The following ARHGEF3 variants were observed in gnomAD, a reference collection of about 807,000 sequenced individuals.
The protein encoded by ARHGEF3 is 59.8 kDA protein.
In ARHGEF3, 28 loss-of-function variants were observed where a neutral mutation model predicts 63.2. The observed-to-expected ratio is 0.44, with a 90% CI of 0.33 to 0.61. The LOEUF is 0.61. ARHGEF3 is among the 20% of genes least tolerant of loss of function. ARHGEF3 has a pLI of 0.03. For missense variants in ARHGEF3, 533 were observed against 659.3 expected (o/e 0.81, Z 2.10); for synonymous variants, 266 against 254.2 (o/e 1.05, Z -0.44).
At chr3:56,832,989 T>G (rs1479732698) in intron 4 of ARHGEF3, among the ~76,000 whole-genome samples, 1 of 152,248 alleles carries the variant, frequency 6.6e-6, no homozygotes, top group Non-Finnish European at 1.5e-5. Flanking sequence ...GAATATTCCC[T>G]TGTTTGGATA....
At chr3:56,824,862 C>G (rs13062635) in intron 4 of ARHGEF3, among the ~76,000 whole-genome samples, 77,010 of 151,952 alleles carry the variant, frequency 0.51, 19,931 homozygotes, top group Non-Finnish European at 0.55. Flanking sequence ...AATGATATAA[C>G]AGGATTCTCA....
At chr3:56,973,485 C>T (rs1701006925) in intron 2 of ARHGEF3, among the ~76,000 whole-genome samples, 1 of 152,068 alleles carries the variant, frequency 6.6e-6, no homozygotes, top group South Asian at 2.1e-4. Context: ...CAAGAGCAGA[C>T]ATATAACATT....
At chr3:56,942,790 A>G (rs1045066732) in intron 3 of ARHGEF3, among the ~76,000 whole-genome samples, 4 of 152,246 alleles carry the variant, frequency 2.6e-5, no homozygotes, top group Admixed American at 2.6e-4. Flanking sequence ...GTGAACACAT[A>G]AAAAGATAAG....
At chr3:56,933,362 A>ATCACT (rs2042461984) in intron 3 of ARHGEF3, among the ~76,000 whole-genome samples, 2 of 150,710 alleles carry the variant, frequency 1.3e-5, no homozygotes, top group Admixed American at 6.6e-5. Flanking sequence ...GTCTGAATTG[A>ATCACT]TCACTCTATA....
chr3:56,856,335 T>C (rs1357507176), intron 4 of ARHGEF3, among the ~76,000 whole-genome samples: 1 of 152,204 alleles, frequency 6.6e-6, no homozygotes, highest in East Asian at 1.9e-4. Context: ...AAATCCAGGC[T>C]CTTTCTCTAG....
intron 1 of ARHGEF3, among the ~76,000 whole-genome samples, chr3:57,054,643 A>ATTT (rs544195887): frequency 1.7e-5 from 2 of 121,104 alleles, no homozygotes; most frequent in East Asian, 2.4e-4. Flanking sequence ...CATCTCAAAA[A>ATTT]TTTTTTTTTT....
rs139427385 is a variant in ARHGEF3 at position 56,837,822 on chromosome 3, G to T, written c.192+44470C>A. On this transcript the variant is annotated intron_variant, in intron 4 of 12. Coordinates refer to the ARHGEF3 transcript ENST00000338458. ...TCTGGTCAGGTCAGGGCTGTTTCCT[G>T]TGCCATCATGTGCACACAGCCACCT... 4.0e-3 allele frequency among the ~76,000 whole-genome samples: 610 copies of T among 152,288 alleles called. 1 individual carries two copies. Among genetic ancestry groups the T allele is most frequent in the African/African-American group, 0.014 (572 of 41,558 alleles).
At chr3:57,019,041 G>T (rs1409957815) in intron 2 of ARHGEF3, among the ~76,000 whole-genome samples, 2 of 152,158 alleles carry the variant, frequency 1.3e-5, no homozygotes, top group Non-Finnish European at 2.9e-5. Context: ...CGAGTCCAAT[G>T]TTAAGCCACC....
At position 56,920,018 on chromosome 3, in the gene ARHGEF3, A is replaced by G. The variant is rs117721846; in HGVS notation, c.130-37664T>C. Among the ~76,000 whole-genome samples, 8 of 152,304 alleles carry G rather than the reference A, an allele frequency of 5.3e-5. No homozygotes were observed. The East Asian group carries it at 1.5e-3, about 29-fold the overall frequency. ...AACCACTAGAGAAGGATCGCTAACA[A>G]TGGGACAATTCACTTGCCTCTTGGA... On this transcript the variant is annotated intron_variant, in intron 3 of 12. Transcript: ENST00000338458.
chr3:56,852,290 G>A (rs1223210058), intron 4 of ARHGEF3, among the ~76,000 whole-genome samples: 2 of 152,138 alleles, frequency 1.3e-5, no homozygotes, highest in African/African-American at 4.8e-5. Flanking sequence ...ATGTTCGAAC[G>A]TATTTTCATT....
At chr3:56,902,564 A>C (rs759988299) in intron 3 of ARHGEF3, among the ~76,000 whole-genome samples, 11 of 152,226 alleles carry the variant, frequency 7.2e-5, no homozygotes, top group Non-Finnish European at 1.3e-4. Context: ...TATAATTTGC[A>C]GGACCTGACA....
At chr3:56,928,102 G>C (rs2042321578) in intron 3 of ARHGEF3, among the ~76,000 whole-genome samples, 1 of 152,148 alleles carries the variant, frequency 6.6e-6, no homozygotes, top group South Asian at 2.1e-4. Flanking sequence ...CAGAGCAGGA[G>C]AGTATTAACC....
intron 1 of ARHGEF3, chr3:57,075,295 C>G (rs535310458): frequency 1.2e-5 from 2 of 167,288 alleles, no homozygotes; most frequent in East Asian, 3.9e-4. Context: ...CTGTCCATCT[C>G]CACCACTGGG....
At chr3:56,888,103 CTTTT>C (rs3034853) in intron 3 of ARHGEF3, among the ~76,000 whole-genome samples, 2 of 142,962 alleles carry the variant, frequency 1.4e-5, no homozygotes, top group African/African-American at 2.6e-5. Flanking sequence ...CAAATAAGAG[CTTTT>C]TTTTTTTTTT....
At chr3:57,010,734 G>C (rs1489318559) in intron 2 of ARHGEF3, among the ~76,000 whole-genome samples, 2 of 152,150 alleles carry the variant, frequency 1.3e-5, no homozygotes, top group African/African-American at 4.8e-5. Context: ...CCACCATGGA[G>C]AACCAAGGAC....
At chr3:56,993,486 T>C (rs1396760880) in intron 2 of ARHGEF3, among the ~76,000 whole-genome samples, 3 of 151,988 alleles carry the variant, frequency 2.0e-5, no homozygotes, top group Non-Finnish European at 4.4e-5. Flanking sequence ...GCGATCCTCC[T>C]ACCTCAGCCT....
intron 2 of ARHGEF3, among the ~76,000 whole-genome samples, chr3:57,005,739 T>C (rs1003386308): frequency 2.0e-5 from 3 of 152,168 alleles, no homozygotes; most frequent in African/African-American, 7.2e-5. Flanking sequence ...TAAAGCTCCG[T>C]TCTCTAATAT....
At chr3:56,759,174 A>ATTT (rs35855808) in intron 2 of ARHGEF3, among the ~76,000 whole-genome samples, 40 of 128,172 alleles carry the variant, frequency 3.1e-4, no homozygotes, top group Non-Finnish European at 4.8e-4. Flanking sequence ...AGAAAACTGA[A>ATTT]TTTTTTTTTT....
At chr3:56,877,201 T>C (rs1472890341) in intron 4 of ARHGEF3, among the ~76,000 whole-genome samples, 7 of 152,128 alleles carry the variant, frequency 4.6e-5, no homozygotes, top group Non-Finnish European at 4.4e-5. Context: ...TAGCGAAAAG[T>C]TGGAACTTAT....
Sources: gnomAD v4.1 joint callset for allele counts (sites outside exome capture counted in the v4.1 genomes callset) on GRCh38, gnomAD v4.1.1 for gene constraint, MANE v1.5 for transcripts, NCBI Gene and HGNC (gene_info 2026-07-23, HGNC 2026-07-21) for gene names.